The following NETO1 variants were observed in gnomAD, a reference collection of about 807,000 sequenced individuals.
The protein encoded by NETO1 is neuropilin and tolloid like 1.
Under a neutral mutation model 61.3 loss-of-function variants are expected in NETO1, and 26 were observed. The observed-to-expected ratio is 0.42, with a 90% confidence interval of 0.31 to 0.59. NETO1 has a LOEUF of 0.59. NETO1 is among the 20% of genes least tolerant of loss of function. The pLI is 0.12. For missense variants in NETO1, 531 were observed against 662.8 expected, an observed-to-expected ratio of 0.80 and a Z score of 2.18; for synonymous variants, 225 against 225.8, an observed-to-expected ratio of 1.00 and a Z score of 0.03.
chr18:72,757,009 C>T (rs989182343), intron 7 of NETO1, among the ~76,000 whole-genome samples: 3 of 152,028 alleles, frequency 2.0e-5, no homozygotes, highest in African/African-American at 7.2e-5. Flanking sequence ...TGGATGGTTG[C>T]TTACAGAAAG....
intron 4 of NETO1, among the ~76,000 whole-genome samples, chr18:72,820,263 C>T (rs2073150091): frequency 6.6e-6 from 1 of 152,042 alleles, no homozygotes; most frequent in African/African-American, 2.4e-5. Flanking sequence ...TAAACGTATG[C>T]AGATAAAATT....
intron 7 of NETO1, among the ~76,000 whole-genome samples, chr18:72,764,848 C>T (rs546418706): frequency 6.6e-6 from 1 of 152,240 alleles, no homozygotes; most frequent in South Asian, 2.1e-4. Context: ...GGCTCAAGAC[C>T]ATCCTTGGGT....
At chr18:72,865,794 C>T in intron 1 of NETO1, 1 of 1,144,984 alleles carries the variant, frequency 8.7e-7, no homozygotes, top group East Asian at 2.9e-5. Flanking sequence ...CATTAAGCAC[C>T]ATTATTGGAA....
intron 4 of NETO1, among the ~76,000 whole-genome samples, chr18:72,822,583 G>A (rs1480942422): frequency 3.3e-5 from 5 of 152,134 alleles, no homozygotes; most frequent in African/African-American, 7.2e-5. Flanking sequence ...CTTTCCTACC[G>A]CCAAGCAAAA....
intron 4 of NETO1, among the ~76,000 whole-genome samples, chr18:72,849,936 C>A (rs1700387410): frequency 6.6e-6 from 1 of 152,246 alleles, no homozygotes; most frequent in Non-Finnish European, 1.5e-5. Context: ...TACATCCCAT[C>A]ACCCGATCCT....
intron 4 of NETO1, among the ~76,000 whole-genome samples, chr18:72,844,373 C>G (rs2074022436): frequency 6.6e-6 from 1 of 152,194 alleles, no homozygotes; most frequent in African/African-American, 2.4e-5. Context: ...CAATCATCCA[C>G]ATTCTGATAC....
chr18:72,862,612 C>CTTTTTTTTCTTTTTTTTTTTTTT (rs1568275640), intron 3 of NETO1, among the ~76,000 whole-genome samples: 2 of 106,900 alleles, frequency 1.9e-5, no homozygotes, highest in Non-Finnish European at 4.3e-5. Context: ...ACTCATGATC[C>CTTTTTTTTCTTTTTTTTTTTTTT]TTTTTTTTTC....
At chr18:72,796,900 C>T (rs776230527) in intron 4 of NETO1, among the ~76,000 whole-genome samples, 2 of 151,994 alleles carry the variant, frequency 1.3e-5, no homozygotes, top group Non-Finnish European at 2.9e-5. Flanking sequence ...TCATCTAAAT[C>T]AATAGATATA....
chr18:72,818,471 G>C (rs1439020548), intron 4 of NETO1, among the ~76,000 whole-genome samples: 7 of 152,156 alleles, frequency 4.6e-5, no homozygotes, highest in Admixed American at 3.3e-4. Context: ...GGTCACACTA[G>C]CACAGTGGAA....
At chr18:72,815,476 C>T (rs2073003302) in intron 4 of NETO1, among the ~76,000 whole-genome samples, 1 of 152,026 alleles carries the variant, frequency 6.6e-6, no homozygotes, top group Non-Finnish European at 1.5e-5. Context: ...GACAACACAA[C>T]ATAAGACAGG....
chr18:72,766,871 C>T (rs74954902), intron 7 of NETO1, among the ~76,000 whole-genome samples: 13,313 of 152,176 alleles, frequency 0.087, 724 homozygotes, highest in Middle Eastern at 0.18. Context: ...TTACTACATA[C>T]TTTTATACTT....
At chr18:72,794,750 T>C (rs1004002435) in intron 4 of NETO1, among the ~76,000 whole-genome samples, 2 of 152,190 alleles carry the variant, frequency 1.3e-5, no homozygotes, top group African/African-American at 4.8e-5. Flanking sequence ...CTATCCTCTA[T>C]AACAGGAGAA....
intron 4 of NETO1, among the ~76,000 whole-genome samples, chr18:72,828,963 T>G (rs2073483222): frequency 1.8e-5 from 1 of 55,306 alleles, no homozygotes; most frequent in Non-Finnish European, 4.9e-5. Context: ...CCAAGAGAAC[T>G]GTTCTAAAAA....
At chr18:72,765,722 A>G (rs922224080) in intron 7 of NETO1, among the ~76,000 whole-genome samples, 1 of 152,172 alleles carries the variant, frequency 6.6e-6, no homozygotes, top group Admixed American at 6.6e-5. Context: ...AGGCCAGAAT[A>G]AAAATTATTT....
rs73966672 is a variant in NETO1, at chr18:72,817,042, C to G, written c.470-22638G>C. Among the ~76,000 whole-genome samples, 1,343 of 152,254 alleles carry G rather than the reference C, an allele frequency of 8.8e-3. 23 individuals are homozygous for G. The highest frequency in any genetic ancestry group is 0.03 in the African/African-American group (1,262 of 41,548). On this transcript the variant is annotated intron_variant, in intron 4 of 10. Coordinates refer to ENST00000327305, the MANE Select transcript of NETO1 (RefSeq NM_138966.5). ...GTACGTCTATATTCAAAGATGCTCT[C>G]CAGCAATTCCTCGTCTCCCTTTATA... is the stretch of plus-strand genomic sequence containing the variant.
chr18:72,749,219 A>C (rs868423587), intron 9 of NETO1, 131 bp from the exon 10 acceptor site: 4 of 607,528 alleles, frequency 6.6e-6, no homozygotes, highest in Non-Finnish European at 1.2e-5. Context: ...CATGCAAAAC[A>C]TATCAAATCA....
intron 4 of NETO1, among the ~76,000 whole-genome samples, chr18:72,824,756 G>A (rs111246915): frequency 0.095 from 14,424 of 151,520 alleles, 892 homozygotes; most frequent in Non-Finnish European, 0.14. Flanking sequence ...GTGCATGCCT[G>A]TAGTCCCAGC....
intron 3 of NETO1, among the ~76,000 whole-genome samples, chr18:72,862,305 C>A (rs1428668074): frequency 1.3e-5 from 2 of 152,160 alleles, no homozygotes; most frequent in East Asian, 3.9e-4. Flanking sequence ...TCCAAATATT[C>A]TCTTGGATAA....
intron 4 of NETO1, among the ~76,000 whole-genome samples, chr18:72,803,387 T>C (rs897666652): frequency 6.6e-6 from 1 of 152,200 alleles, no homozygotes; most frequent in African/African-American, 2.4e-5. Context: ...AATACACTAA[T>C]GGATGTTAAT....
Sources: allele counts gnomAD v4.1 joint callset (sites outside exome capture counted in the v4.1 genomes callset), GRCh38; gene constraint gnomAD v4.1.1; transcripts MANE v1.5; gene names NCBI Gene and HGNC (gene_info 2026-07-23, HGNC 2026-07-21).